UNC13C: variants seen among roughly 807,000 people sequenced by gnomAD.
UNC13C encodes the protein protein unc-13 homolog C.
In UNC13C, 174 loss-of-function variants were observed where a neutral mutation model predicts 245.4. The ratio of observed to expected loss-of-function variants is 0.71; its 90% CI spans 0.63 to 0.80. The LOEUF (loss-of-function observed/expected upper bound fraction) is 0.80, where lower values mean the gene tolerates loss of function less well. Among genes scored for constraint, UNC13C ranks in the 30% least tolerant of loss-of-function variants. The pLI is 0.00. For missense variants in UNC13C, 2,829 were observed against 2,602.9 expected (o/e 1.09, Z -1.89); for synonymous variants, 992 against 895.1 (o/e 1.11, Z -1.93).
At chr15:54,580,447 G>A (rs539254435) in intron 30 of UNC13C, among the ~76,000 whole-genome samples, 5 of 152,294 alleles carry the variant, frequency 3.3e-5, no homozygotes, top group Admixed American at 2.6e-4. Context: ...ATTTATGGAA[G>A]AAAGGCAAGA....
Position 54,382,290 on chromosome 15 carries a change from A to G in UNC13C, c.4714-10758A>G, listed in dbSNP as rs1436924933. ...ATAGCACCAAACAACTACATAAACA[A>G]AAAGTGAGGCTGGGCTCAGTGGCTC... On this transcript the variant is annotated intron_variant, in intron 17 of 32. Coordinates refer to ENST00000260323, the MANE Select transcript of UNC13C (RefSeq NM_001080534.3). Among the ~76,000 whole-genome samples the G allele has an allele frequency of 1.2e-4, 19 of 152,212 alleles. 1 individual carries two copies. The highest frequency in any genetic ancestry group is 1.2e-3 in the Admixed American group (19 of 15,274).
rs537275185 is a variant in UNC13C at position 54,498,231 on chromosome 15, A to G, written c.5061-1848A>G. ...AAAATTTATAAACAAAAACAATAAA[A>G]TACATATTGTTATTAGGAACACATG... On this transcript the variant is annotated intron_variant, in intron 20 of 32. Transcript: ENST00000260323. 9.9e-5 allele frequency among the ~76,000 whole-genome samples: 15 copies of G among 152,210 alleles called. No individual in the cohort carries two copies. The East Asian group carries it at 2.9e-3, about 29-fold the overall frequency.
the UNC13C span, among the ~76,000 whole-genome samples, chr15:53,866,088 A>G: frequency 6.6e-6 from 1 of 152,212 alleles, no homozygotes; most frequent in African/African-American, 2.4e-5. Context: ...AGTAAAAAGT[A>G]TGTGGTAAAC....
chr15:53,850,250 C>A, the UNC13C span, among the ~76,000 whole-genome samples: 1 of 151,620 alleles, frequency 6.6e-6, no homozygotes, highest in Non-Finnish European at 1.5e-5. Flanking sequence ...CCCATCTCCA[C>A]AAAAAATAAA....
At chr15:53,893,000 T>G in the UNC13C span, among the ~76,000 whole-genome samples, 2 of 152,252 alleles carry the variant, frequency 1.3e-5, no homozygotes, top group South Asian at 4.2e-4. Context: ...CCCCCCATCT[T>G]TGTGGATTTA....
intron 18 of UNC13C, among the ~76,000 whole-genome samples, chr15:54,393,798 G>A (rs1309952553): frequency 6.6e-6 from 1 of 151,626 alleles, no homozygotes; most frequent in Non-Finnish European, 1.5e-5. Flanking sequence ...ATTTCCCTGG[G>A]TCTCAATTTC....
At chr15:54,588,551 A>G (rs1898605971) in intron 30 of UNC13C, among the ~76,000 whole-genome samples, 1 of 152,142 alleles carries the variant, frequency 6.6e-6, no homozygotes, top group Admixed American at 6.5e-5. Flanking sequence ...ATTTGGTTAC[A>G]TGAGTAAATT....
chr15:54,508,016 A>G (rs1596490405), intron 23 of UNC13C, among the ~76,000 whole-genome samples: 1 of 152,176 alleles, frequency 6.6e-6, no homozygotes, highest in East Asian at 1.9e-4. Flanking sequence ...TCTTGCTGAC[A>G]GCTCATTAAG....
intron 19 of UNC13C, among the ~76,000 whole-genome samples, chr15:54,479,318 A>G (rs1383437501): frequency 6.6e-6 from 1 of 152,008 alleles, no homozygotes; most frequent in African/African-American, 2.4e-5. Flanking sequence ...TGATCCCTTG[A>G]TTATTATATA....
At chr15:54,007,370 T>A (rs1423987079) in intron 1 of UNC13C, among the ~76,000 whole-genome samples, 1 of 152,038 alleles carries the variant, frequency 6.6e-6, no homozygotes, top group Non-Finnish European at 1.5e-5. Flanking sequence ...CAAATGCCCA[T>A]CAAAAATAGA....
At chr15:54,113,488 C>T (rs570141146) in intron 2 of UNC13C, among the ~76,000 whole-genome samples, 15 of 152,164 alleles carry the variant, frequency 9.9e-5, no homozygotes, top group East Asian at 3.9e-4. Flanking sequence ...TGGTTAGGTC[C>T]GGGGAAGTCT....
intron 17 of UNC13C, among the ~76,000 whole-genome samples, chr15:54,348,029 T>A (rs1225817702): frequency 3.3e-5 from 5 of 152,304 alleles, no homozygotes; most frequent in Admixed American, 1.3e-4. Context: ...AACCAGATTG[T>A]CTAAATGTAA....
intron 10 of UNC13C, among the ~76,000 whole-genome samples, chr15:54,290,589 A>G (rs1292428437): frequency 6.6e-6 from 1 of 152,030 alleles, no homozygotes. Flanking sequence ...TCCTTTTTCT[A>G]TATCATGTAT....
chr15:54,456,590 T>TTTTTTTTATTTA (rs1555467665), intron 19 of UNC13C, among the ~76,000 whole-genome samples: 3 of 142,752 alleles, frequency 2.1e-5, no homozygotes, highest in Non-Finnish European at 3.1e-5. Flanking sequence ...CTCCTATGTA[T>TTTTTTTTATTTA]TTTATTTATT....
chr15:54,264,891 T>A (rs1227317266), intron 9 of UNC13C, among the ~76,000 whole-genome samples: 1 of 151,966 alleles, frequency 6.6e-6, no homozygotes, highest in East Asian at 1.9e-4. Flanking sequence ...TGTTAACATT[T>A]ACCAAGACTC....
chr15:54,154,260 T>C (rs188746737), intron 4 of UNC13C, among the ~76,000 whole-genome samples: 43 of 151,224 alleles, frequency 2.8e-4, no homozygotes, highest in Non-Finnish European at 4.9e-4. Context: ...ACATGTTGCA[T>C]TGAATCTGTA....
chr15:54,448,014 C>T (rs963080696), intron 19 of UNC13C, among the ~76,000 whole-genome samples: 1 of 152,134 alleles, frequency 6.6e-6, no homozygotes, highest in Non-Finnish European at 1.5e-5. Context: ...TTTATTTCTG[C>T]CTTCATTTCG....
At chr15:54,056,218 A>G (rs1299383253) in intron 2 of UNC13C, among the ~76,000 whole-genome samples, 5 of 152,102 alleles carry the variant, frequency 3.3e-5, no homozygotes, top group Admixed American at 2.0e-4. Flanking sequence ...TTGAAAAAAA[A>G]TTAGACGAAT....
intron 19 of UNC13C, among the ~76,000 whole-genome samples, chr15:54,469,461 C>A (rs575591009): frequency 6.6e-6 from 1 of 151,472 alleles, no homozygotes; most frequent in Admixed American, 6.6e-5. Context: ...GTACAGTTAC[C>A]CATCAGTATT....
Sources: gnomAD v4.1 joint callset for allele counts (sites outside exome capture counted in the v4.1 genomes callset) on GRCh38, gnomAD v4.1.1 for gene constraint, MANE v1.5 for transcripts, NCBI Gene and HGNC (gene_info 2026-07-23, HGNC 2026-07-21) for gene names.